DOCK4: variants seen among roughly 807,000 people sequenced by gnomAD.
DOCK4 encodes the protein dedicator of cytokinesis protein 4.
In DOCK4, 97 loss-of-function variants were observed where a neutral mutation model predicts 268.1. The ratio of observed to expected loss-of-function variants is 0.36; its 90% CI spans 0.31 to 0.43. DOCK4 has a LOEUF of 0.43. DOCK4 is among the 20% of genes least tolerant of loss of function. The pLI, the probability that DOCK4 is intolerant of heterozygous loss-of-function variation, is 1.00. For synonymous variants in DOCK4, 954 were observed against 887.2 expected, an observed-to-expected ratio of 1.08 and a Z score of -1.34; for missense variants, 2,145 against 2,455.7, an observed-to-expected ratio of 0.87 and a Z score of 2.67.
chr7:111,875,721 A>G (rs1806802794), intron 17 of DOCK4, among the ~76,000 whole-genome samples: 1 of 152,220 alleles, frequency 6.6e-6, no homozygotes, highest in Admixed American at 6.5e-5. Context: ...TAAAGCTAGG[A>G]AGGGTAAGAA....
chr7:112,145,284 C>A (rs1347319898), intron 1 of DOCK4, among the ~76,000 whole-genome samples: 1 of 152,186 alleles, frequency 6.6e-6, no homozygotes, highest in Non-Finnish European at 1.5e-5. Flanking sequence ...CCATGAACCA[C>A]ATCCCTAAGC....
intron 9 of DOCK4, 110 bp downstream of exon 9, chr7:111,945,607 A>C (rs779275543): frequency 2.0e-5 from 18 of 909,576 alleles, no homozygotes; most frequent in Admixed American, 1.6e-4. Flanking sequence ...TTATTTACAT[A>C]AAGTTTAAAA....
intron 36 of DOCK4, among the ~76,000 whole-genome samples, chr7:111,770,304 G>C (rs73434206): frequency 0.053 from 8,047 of 151,712 alleles, 683 homozygotes; most frequent in African/African-American, 0.18. Context: ...CATGAGGAGT[G>C]GGGGGAGTGT....
chr7:111,827,546 G>A (rs76222948), intron 26 of DOCK4, among the ~76,000 whole-genome samples: 2,719 of 152,166 alleles, frequency 0.018, 96 homozygotes, highest in African/African-American at 0.062. Flanking sequence ...AGGCTTCATC[G>A]AGAAGCTGAT....
intron 1 of DOCK4, among the ~76,000 whole-genome samples, chr7:112,192,839 G>A (rs190134301): frequency 2.6e-4 from 39 of 151,772 alleles, no homozygotes; most frequent in Admixed American, 1.7e-3. Flanking sequence ...CCAACATGTC[G>A]TAAAATATGC....
chr7:111,753,170 A>C (rs1796805120), intron 42 of DOCK4, among the ~76,000 whole-genome samples: 2 of 152,114 alleles, frequency 1.3e-5, no homozygotes, highest in Admixed American at 6.5e-5. Flanking sequence ...AGGTTCCTTT[A>C]ATCAAATGCA....
At chr7:111,844,038 G>A (rs2134076817) in intron 25 of DOCK4, among the ~76,000 whole-genome samples, 1 of 152,280 alleles carries the variant, frequency 6.6e-6, no homozygotes, top group African/African-American at 2.4e-5. Context: ...ACTTTGGGAG[G>A]CCAAGGCAAG....
intron 22 of DOCK4, among the ~76,000 whole-genome samples, chr7:111,866,844 T>C (rs1007949907): frequency 1.2e-4 from 19 of 152,252 alleles, no homozygotes; most frequent in Admixed American, 1.2e-3. Context: ...ATTACTTTTG[T>C]AGAGACAGTA....
At chr7:111,927,167 C>T (rs1163506473) in intron 12 of DOCK4, among the ~76,000 whole-genome samples, 3 of 152,262 alleles carry the variant, frequency 2.0e-5, no homozygotes, top group African/African-American at 4.8e-5. Flanking sequence ...GTAACTCTGT[C>T]CATTGGGATG....
At chr7:111,994,261 T>A (rs761911370) in intron 4 of DOCK4, 30 bp from the exon 5 acceptor site, 1 of 1,405,002 alleles carries the variant, frequency 7.1e-7, no homozygotes, top group Admixed American at 2.0e-5. Context: ...AAAGTATATA[T>A]GTAAATACCA....
intron 1 of DOCK4, among the ~76,000 whole-genome samples, chr7:112,061,903 T>A (rs541694320): frequency 6.6e-6 from 1 of 152,188 alleles, no homozygotes; most frequent in Non-Finnish European, 1.5e-5. Context: ...GGAAATGTTT[T>A]ATTGACTGCT....
chr7:112,078,917 G>A (rs898564171), intron 1 of DOCK4, among the ~76,000 whole-genome samples: 1 of 152,168 alleles, frequency 6.6e-6, no homozygotes, highest in Non-Finnish European at 1.5e-5. Context: ...CATGAGGCCA[G>A]GAGTTCGAGA....
intron 1 of DOCK4, among the ~76,000 whole-genome samples, chr7:112,119,698 G>A (rs1356466896): frequency 3.3e-5 from 5 of 152,084 alleles, no homozygotes; most frequent in African/African-American, 1.2e-4. Flanking sequence ...GTGGCCTTGG[G>A]GAACTCACTG....
At position 112,056,937 on chromosome 7, in the gene DOCK4, T is replaced by C. The variant is rs1805868211; in HGVS notation, c.38-52806A>G. On this transcript the variant is annotated intron_variant, in intron 1 of 52. Coordinates refer to ENST00000428084, the MANE Select transcript of DOCK4 (RefSeq NM_001363540.2). The stretch of plus-strand genomic sequence containing the variant: ...TTTTATTAAACATAACTATATATTG[T>C]ATATTAGACATCAGCTATTAAAATA... Among the ~76,000 whole-genome samples the C allele has an allele frequency of 2.0e-5, 3 of 152,264 alleles. No homozygotes were observed. In the South Asian group the frequency reaches 6.2e-4, roughly 32 times the overall value.
At chr7:111,944,770 C>T (rs1488291387) in intron 10 of DOCK4, 41 bp downstream of exon 10, 2 of 1,572,278 alleles carry the variant, frequency 1.3e-6, no homozygotes, top group Non-Finnish European at 1.8e-6. Flanking sequence ...TTTCTCCTCT[C>T]TGTTCCTTGC....
At chr7:111,933,263 T>TATATATAC (rs1349542292) in intron 12 of DOCK4, among the ~76,000 whole-genome samples, 2 of 137,808 alleles carry the variant, frequency 1.5e-5, no homozygotes, top group Non-Finnish European at 1.6e-5. Context: ...TATACTTATA[T>TATATATAC]ATATATACAT....
intron 1 of DOCK4, among the ~76,000 whole-genome samples, chr7:112,049,496 T>C (rs898271462): frequency 1.4e-4 from 21 of 151,834 alleles, no homozygotes; most frequent in Non-Finnish European, 7.4e-5. Flanking sequence ...ATAAGACAAA[T>C]AGAATACATA....
At chr7:111,942,600 T>A (rs1451837220) in intron 10 of DOCK4, among the ~76,000 whole-genome samples, 1 of 152,138 alleles carries the variant, frequency 6.6e-6, no homozygotes, top group Non-Finnish European at 1.5e-5. Context: ...CTGTCCTGAC[T>A]CATCCCGGTC....
chr7:111,787,449 A>G (rs1261135408), intron 32 of DOCK4, among the ~76,000 whole-genome samples: 1 of 152,188 alleles, frequency 6.6e-6, no homozygotes, highest in Non-Finnish European at 1.5e-5. Flanking sequence ...TTTAATTACC[A>G]TATCAGAAAA....
Sources: allele counts gnomAD v4.1 joint callset (sites outside exome capture counted in the v4.1 genomes callset), GRCh38; gene constraint gnomAD v4.1.1; transcripts MANE v1.5; gene names NCBI Gene and HGNC (gene_info 2026-07-23, HGNC 2026-07-21).